The following PLXDC2 variants were observed in gnomAD, a reference collection of about 807,000 sequenced individuals.
PLXDC2 encodes the protein plexin domain-containing protein 2.
PLXDC2 carries 40 observed loss-of-function variants against 68.9 expected under a neutral mutation model. The ratio of observed to expected loss-of-function variants is 0.58; its 90% CI spans 0.45 to 0.76. The LOEUF is 0.76. Ranked by LOEUF, PLXDC2 falls within the 30% of genes least tolerant of loss-of-function variation. The probability of loss-of-function intolerance (pLI) is 0.00; values close to 1 mark genes in which losing one functional copy is unlikely to be tolerated. For synonymous variants in PLXDC2, 243 were observed against 234.2 expected, an observed-to-expected ratio of 1.04 and a Z score of -0.34; for missense variants, 644 against 661.9, an observed-to-expected ratio of 0.97 and a Z score of 0.30.
At chr10:20,059,210 C>T (rs1197471612) in intron 3 of PLXDC2, among the ~76,000 whole-genome samples, 1 of 152,174 alleles carries the variant, frequency 6.6e-6, no homozygotes. Flanking sequence ...CACCCAAACC[C>T]CATGTTTCCT....
chr10:20,020,629 A>G (rs1835292101), intron 2 of PLXDC2, among the ~76,000 whole-genome samples: 1 of 152,092 alleles, frequency 6.6e-6, no homozygotes, highest in Non-Finnish European at 1.5e-5. Flanking sequence ...TTATTTGTAA[A>G]CACTATTCCT....
At chr10:20,134,927 C>T (rs1030792085) in intron 4 of PLXDC2, among the ~76,000 whole-genome samples, 1 of 152,174 alleles carries the variant, frequency 6.6e-6, no homozygotes, top group African/African-American at 2.4e-5. Context: ...TCACTTTACT[C>T]ACCTGGAGGG....
chr10:19,841,097 C>A (rs903481374), intron 1 of PLXDC2, among the ~76,000 whole-genome samples: 15 of 152,152 alleles, frequency 9.9e-5, no homozygotes, highest in African/African-American at 3.4e-4. Context: ...ATTAGCCGAA[C>A]CATGGAACAT....
rs971716235 is a variant in PLXDC2, at chr10:19,837,413, T to A, written c.112+20222T>A. Among the ~76,000 whole-genome samples the A allele has an allele frequency of 8.6e-3, 605 of 70,440 alleles. 1 individual carries two copies. Among genetic ancestry groups the A allele is most frequent in the African/African-American group, 0.037 (466 of 12,730 alleles). 46.2% of individuals were successfully genotyped at this position (70,440 alleles called of 152,430 possible). A position where few individuals can be genotyped will look rare whatever the true frequency, so the allele number is the denominator to read the frequency against. On this transcript the variant is annotated intron_variant, in intron 1 of 13. Coordinates refer to ENST00000377252, the MANE Select transcript of PLXDC2 (RefSeq NM_032812.9). ...GAGAGAGAGAGAGAGAGAGAGAGTG[T>A]GTGTGTGTGTGTGTGTGTGTGTGTG...
chr10:20,014,144 A>G (rs1835162739), intron 2 of PLXDC2, among the ~76,000 whole-genome samples: 1 of 152,152 alleles, frequency 6.6e-6, no homozygotes, highest in Admixed American at 6.5e-5. Context: ...TAAGGAAATA[A>G]CATGATTTAG....
chr10:19,966,304 T>C (rs572315870), intron 1 of PLXDC2, among the ~76,000 whole-genome samples: 1 of 121,038 alleles, frequency 8.3e-6, no homozygotes, highest in Admixed American at 7.6e-5. Flanking sequence ...TATATGTGTA[T>C]CAGCCATTTT....
At chr10:20,051,137 A>G (rs1248661105) in intron 3 of PLXDC2, among the ~76,000 whole-genome samples, 1 of 152,062 alleles carries the variant, frequency 6.6e-6, no homozygotes, top group African/African-American at 2.4e-5. Flanking sequence ...ACACAGGAAC[A>G]GGAACCAAAT....
chr10:19,867,846 TAA>T (rs1176965949), intron 1 of PLXDC2, among the ~76,000 whole-genome samples: 1 of 152,190 alleles, frequency 6.6e-6, no homozygotes, highest in East Asian at 1.9e-4. Context: ...TGTGTATGTA[TAA>T]ATGTACCCTT....
intron 12 of PLXDC2, among the ~76,000 whole-genome samples, chr10:20,242,742 G>A (rs1159995081): frequency 1.3e-5 from 2 of 152,016 alleles, no homozygotes; most frequent in African/African-American, 2.4e-5. Context: ...GTGGAGTCTC[G>A]CTCTGTCGCC....
chr10:20,180,173 A>G (rs991999941), intron 9 of PLXDC2, among the ~76,000 whole-genome samples: 15 of 152,154 alleles, frequency 9.9e-5, no homozygotes, highest in African/African-American at 3.6e-4. Context: ...TTACTGGGGA[A>G]AAGAGAGTTG....
At chr10:19,860,961 C>T (rs1453379968) in intron 1 of PLXDC2, among the ~76,000 whole-genome samples, 12 of 151,890 alleles carry the variant, frequency 7.9e-5, no homozygotes, top group Admixed American at 6.6e-4. Context: ...TCTTCCTAGC[C>T]CCAAGACACT....
intron 4 of PLXDC2, among the ~76,000 whole-genome samples, chr10:20,111,007 TA>T (rs2131747971): frequency 6.6e-6 from 1 of 152,292 alleles, no homozygotes. Flanking sequence ...GGTACCCACA[TA>T]ATTCTACCAA....
At chr10:19,939,179 C>T (rs866138740) in intron 1 of PLXDC2, among the ~76,000 whole-genome samples, 4 of 152,102 alleles carry the variant, frequency 2.6e-5, no homozygotes, top group South Asian at 2.1e-4. Context: ...ACAAAGTAAT[C>T]GATTAACACA....
intron 9 of PLXDC2, among the ~76,000 whole-genome samples, chr10:20,186,100 T>C (rs1834678961): frequency 6.6e-6 from 1 of 151,942 alleles, no homozygotes; most frequent in South Asian, 2.1e-4. Flanking sequence ...AAATTAAAAA[T>C]ACGAATCTAC....
intron 1 of PLXDC2, among the ~76,000 whole-genome samples, chr10:19,843,377 G>C (rs1836942528): frequency 6.6e-6 from 1 of 151,722 alleles, no homozygotes; most frequent in African/African-American, 2.4e-5. Flanking sequence ...AGTTTTTCTG[G>C]GTTTCCAAAG....
At chr10:19,906,114 G>A (rs982100275) in intron 1 of PLXDC2, among the ~76,000 whole-genome samples, 23 of 152,158 alleles carry the variant, frequency 1.5e-4, no homozygotes, top group Admixed American at 1.2e-3. Context: ...GTGGTATGGA[G>A]CAAAATAAAG....
At chr10:20,151,030 A>C (rs1469446860) in intron 6 of PLXDC2, among the ~76,000 whole-genome samples, 1 of 152,096 alleles carries the variant, frequency 6.6e-6, no homozygotes, top group Non-Finnish European at 1.5e-5. Flanking sequence ...TTTTTACTTT[A>C]TTATTTACTT....
At chr10:19,945,314 T>C (rs931690683) in intron 1 of PLXDC2, among the ~76,000 whole-genome samples, 1 of 152,228 alleles carries the variant, frequency 6.6e-6, no homozygotes, top group Non-Finnish European at 1.5e-5. Context: ...TGTCAGTGTC[T>C]CAGGTGGTTT....
chr10:20,143,784 A>G (rs1301526489), intron 5 of PLXDC2, among the ~76,000 whole-genome samples: 3 of 152,138 alleles, frequency 2.0e-5, no homozygotes, highest in Non-Finnish European at 2.9e-5. Context: ...GGCAAGTGCC[A>G]TAATATATTG....
Sources: gnomAD v4.1 joint callset for allele counts (sites outside exome capture counted in the v4.1 genomes callset) on GRCh38, gnomAD v4.1.1 for gene constraint, MANE v1.5 for transcripts, NCBI Gene and HGNC (gene_info 2026-07-23, HGNC 2026-07-21) for gene names.